The following AR variants were observed in gnomAD, a reference collection of about 807,000 sequenced individuals.
AR encodes dihydrotestosterone receptor.
AR carries 8 observed loss-of-function variants against 53.9 expected under a neutral mutation model. That is an observed-to-expected ratio of 0.15 (90% CI 0.09 to 0.27). AR has a LOEUF of 0.27. Ranked by LOEUF, AR falls within the 10% of genes least tolerant of loss-of-function variation. The probability of loss-of-function intolerance (pLI) is 1.00; values close to 1 mark genes in which losing one functional copy is unlikely to be tolerated. For synonymous variants in AR, 359 were observed against 316.4 expected (o/e 1.13, Z -1.43); for missense variants, 639 against 742.5 (o/e 0.86, Z 1.62).
intron 2 of AR, among the ~76,000 whole-genome samples, chrX:67,683,902 G>A (rs12011839): frequency 5.5e-5 from 6 of 110,069 alleles, no homozygotes; most frequent in Non-Finnish European, 1.9e-5. Context: ...ATGCTTTTCC[G>A]CTATAACCTC....
chrX:67,659,486 T>C (rs1485796176), intron 2 of AR, among the ~76,000 whole-genome samples: 1 of 110,978 alleles, frequency 9.0e-6, no homozygotes, highest in African/African-American at 3.3e-5. Context: ...TTTGTCCTTG[T>C]GATAGTTTGC....
intron 1 of AR, among the ~76,000 whole-genome samples, chrX:67,576,944 C>T (rs935561666): frequency 1.6e-4 from 17 of 108,627 alleles, no homozygotes; most frequent in South Asian, 8.0e-4. Flanking sequence ...ATAAAATGTA[C>T]GTACCATAAA....
intron 1 of AR, among the ~76,000 whole-genome samples, chrX:67,562,728 C>T (rs1921386224): frequency 1.8e-5 from 2 of 111,344 alleles, no homozygotes; most frequent in South Asian, 3.8e-4. Flanking sequence ...AAGAAATGTA[C>T]AAGCAGCACC....
At position 67,586,174 on chromosome X, in the gene AR, G is replaced by T. The variant is rs1922536955; in HGVS notation, c.1616+39412G>T. 2.7e-5 allele frequency among the ~76,000 whole-genome samples: 3 copies of T among 111,522 alleles called. No individual in the cohort carries two copies. In the South Asian group the frequency reaches 1.1e-3, roughly 43 times the overall value. ...ATTTTGAGGAAGCATAATTTTCTAT[G>T]TACCCCTCAAATCGTGGCTGGAGAT... On this transcript the variant is annotated intron_variant, in intron 1 of 7. Transcript: ENST00000374690.
At chrX:67,618,299 T>C (rs779440340) in intron 1 of AR, among the ~76,000 whole-genome samples, 1 of 111,364 alleles carries the variant, frequency 9.0e-6, no homozygotes, top group Non-Finnish European at 1.9e-5. Context: ...TTGGTAGTTT[T>C]TGAGGGGAAA....
At chrX:67,552,922 A>G (rs1162594335) in intron 1 of AR, among the ~76,000 whole-genome samples, 2 of 112,048 alleles carry the variant, frequency 1.8e-5, no homozygotes, top group South Asian at 3.7e-4. Context: ...TAAAAAATAT[A>G]TTCTGGATAC....
Position 67,728,614 on chromosome X carries a change from T to G in AR, c.*4773T>G, listed in dbSNP as rs1306612928. 24 of 97,837 alleles carry G rather than the reference T, an allele frequency of 2.5e-4. No individual in the cohort carries two copies. Among genetic ancestry groups the G allele is most frequent in the African/African-American group, 8.7e-4 (22 of 25,166 alleles). 8.1% of individuals were successfully genotyped at this position (97,837 alleles called of 1,213,427 possible). A position where few individuals can be genotyped will look rare whatever the true frequency, so the allele number is the denominator to read the frequency against. On this transcript the variant is annotated 3_prime_UTR_variant, in exon 8 of 8. Transcript: ENST00000374690. ...ATATATATATATATATATATATATATAGTGTGTGTGTGTGTTCTGATAGCT... is the reference window on the plus strand; with the variant it reads ...ATATATATATATATATATATATATAGAGTGTGTGTGTGTGTTCTGATAGCT...
At chrX:67,696,439 A>G (rs2076021142) in intron 3 of AR, among the ~76,000 whole-genome samples, 1 of 111,768 alleles carries the variant, frequency 8.9e-6, no homozygotes, top group South Asian at 3.7e-4. Context: ...GGAGACTTGG[A>G]GACAGTTTCT....
At chrX:67,687,826 T>G (rs914917323) in intron 3 of AR, among the ~76,000 whole-genome samples, 4 of 112,180 alleles carry the variant, frequency 3.6e-5, no homozygotes, top group African/African-American at 1.3e-4. Context: ...TAAAGTTTAA[T>G]GGTAACAAAA....
At chrX:67,609,001 T>C (rs1683529627) in intron 1 of AR, among the ~76,000 whole-genome samples, 1 of 110,720 alleles carries the variant, frequency 9.0e-6, no homozygotes, top group Non-Finnish European at 1.9e-5. Flanking sequence ...TAGTCACAAG[T>C]TAAATACTCA....
At chrX:67,662,380 T>C (rs1481110594) in intron 2 of AR, among the ~76,000 whole-genome samples, 1 of 110,919 alleles carries the variant, frequency 9.0e-6, no homozygotes, top group Non-Finnish European at 1.9e-5. Context: ...CCAGAGATTC[T>C]GGTATGTTGT....
chrX:67,639,351 G>A (rs1018067788), intron 1 of AR, among the ~76,000 whole-genome samples: 11 of 111,737 alleles, frequency 9.8e-5, no homozygotes, highest in Non-Finnish European at 1.7e-4. Flanking sequence ...ATAATTCTGC[G>A]AAGAAAGTCA....
chrX:67,635,676 G>A (rs961943386), intron 1 of AR, among the ~76,000 whole-genome samples: 9 of 110,894 alleles, frequency 8.1e-5, no homozygotes, highest in African/African-American at 3.0e-4. Context: ...GTATTGTCAG[G>A]CCAACAGCTT....
intron 1 of AR, among the ~76,000 whole-genome samples, chrX:67,626,267 T>G (rs776405633): frequency 9.1e-6 from 1 of 109,540 alleles, no homozygotes; most frequent in South Asian, 3.9e-4. Flanking sequence ...CTTATCTCCA[T>G]GAGTTCAGTA....
Position 67,676,172 on chromosome X carries a change from A to G in AR, c.1769-9838A>G, listed in dbSNP as rs1227703908. ...GACAACCATGTCTATTTTTAAATAA[A>G]TTATTATTTGCCTCTGAGCAACCCT... On this transcript the variant is annotated intron_variant, in intron 2 of 7. Coordinates refer to ENST00000374690, the MANE Select transcript of AR (RefSeq NM_000044.6). Among the ~76,000 whole-genome samples, 4 of 112,109 alleles carry G rather than the reference A, an allele frequency of 3.6e-5. No homozygotes were observed. In the Admixed American group the frequency reaches 3.8e-4, roughly 11 times the overall value.
chrX:67,599,561 C>A (rs1188448471), intron 1 of AR, among the ~76,000 whole-genome samples: 1 of 111,788 alleles, frequency 8.9e-6, no homozygotes, highest in Admixed American at 9.5e-5. Flanking sequence ...TGAACCTGCA[C>A]CTTTCTTCTG....
intron 1 of AR, among the ~76,000 whole-genome samples, chrX:67,627,568 T>C (rs1206347457): frequency 8.1e-5 from 9 of 111,708 alleles, no homozygotes; most frequent in East Asian, 2.8e-4. Flanking sequence ...AAATTTTCTC[T>C]CATTTTGTAG....
intron 2 of AR, among the ~76,000 whole-genome samples, chrX:67,669,239 A>T (rs1927420620): frequency 9.0e-6 from 1 of 111,105 alleles, no homozygotes; most frequent in Non-Finnish European, 1.9e-5. Flanking sequence ...TATGTTGTTT[A>T]GTATGTTTCC....
At chrX:67,611,548 T>C (rs1923880929) in intron 1 of AR, among the ~76,000 whole-genome samples, 1 of 111,865 alleles carries the variant, frequency 8.9e-6, no homozygotes, top group Non-Finnish European at 1.9e-5. Context: ...TATTCATCAG[T>C]CTAAAATTAT....
Sources: allele counts gnomAD v4.1 joint callset (sites outside exome capture counted in the v4.1 genomes callset), GRCh38; gene constraint gnomAD v4.1.1; transcripts MANE v1.5; gene names NCBI Gene and HGNC (gene_info 2026-07-23, HGNC 2026-07-21).